FLT1: variants seen among roughly 807,000 people sequenced by gnomAD.
FLT1 encodes fms related receptor tyrosine kinase 1.
A neutral mutation model predicts 156.3 loss-of-function variants in FLT1; 49 were observed. The ratio of observed to expected loss-of-function variants is 0.31; its 90% CI spans 0.25 to 0.40. The LOEUF (loss-of-function observed/expected upper bound fraction) is 0.40. Ranked by LOEUF, FLT1 falls within the 10% of genes least tolerant of loss-of-function variation. The probability of loss-of-function intolerance (pLI) is 1.00; values close to 1 mark genes in which losing one functional copy is unlikely to be tolerated. For missense variants in FLT1, 1,322 were observed against 1,637.2 expected (o/e 0.81, Z 3.32); for synonymous variants, 594 against 583.8 (o/e 1.02, Z -0.25).
At chr13:28,445,971 A>AT (rs1047303630) in intron 3 of FLT1, among the ~76,000 whole-genome samples, 1 of 152,016 alleles carries the variant, frequency 6.6e-6, no homozygotes, top group African/African-American at 2.4e-5. Flanking sequence ...CCCAAGTGGG[A>AT]TTTTTTTCAG....
intron 14 of FLT1, among the ~76,000 whole-genome samples, chr13:28,375,902 A>C (rs1873819700): frequency 1.3e-5 from 2 of 152,250 alleles, no homozygotes. Flanking sequence ...GAGAAGGAAA[A>C]GGCAACTACA....
At chr13:28,482,600 CA>C (rs1277111152) in intron 1 of FLT1, among the ~76,000 whole-genome samples, 8 of 152,076 alleles carry the variant, frequency 5.3e-5, no homozygotes, top group African/African-American at 1.9e-4. Context: ...AACATTATCC[CA>C]AAATGGTGAA....
chr13:28,331,560 A>T (rs530110760), intron 18 of FLT1, among the ~76,000 whole-genome samples: 19 of 152,192 alleles, frequency 1.2e-4, no homozygotes, highest in Non-Finnish European at 2.2e-4. Context: ...CCTCTCAAGT[A>T]GCTGGGACTA....
chr13:28,448,657 T>C (rs949527760), intron 3 of FLT1, among the ~76,000 whole-genome samples: 2 of 152,190 alleles, frequency 1.3e-5, no homozygotes, highest in African/African-American at 4.8e-5. Context: ...CAATGACATA[T>C]TCTAAAATTG....
chr13:28,389,377 A>G, intron 13 of FLT1: 1 of 1,265,340 alleles, frequency 7.9e-7, no homozygotes, highest in East Asian at 2.9e-5. Context: ...TCAACACTTA[A>G]AAATAAAAAG....
At chr13:28,440,180 C>G (rs1191676572) in intron 3 of FLT1, among the ~76,000 whole-genome samples, 1 of 152,130 alleles carries the variant, frequency 6.6e-6, no homozygotes, top group African/African-American at 2.4e-5. Flanking sequence ...TCCACAGAAC[C>G]AGCAGTTTTT....
chr13:28,398,450 T>C (rs573172584), intron 11 of FLT1, among the ~76,000 whole-genome samples: 1 of 152,360 alleles, frequency 6.6e-6, no homozygotes, highest in East Asian at 1.9e-4. Flanking sequence ...CTAGGCACTT[T>C]AGTTGTGTTC....
intron 23 of FLT1, among the ~76,000 whole-genome samples, chr13:28,320,572 TTGTTAG>T (rs769230577): frequency 1.1e-4 from 17 of 151,950 alleles, no homozygotes; most frequent in African/African-American, 2.4e-4. Flanking sequence ...TCATCAGCTA[TTGTTAG>T]TGTTAGTGTA....
intron 14 of FLT1, among the ~76,000 whole-genome samples, chr13:28,382,394 C>T (rs1047896318): frequency 2.0e-5 from 3 of 152,144 alleles, no homozygotes; most frequent in South Asian, 4.1e-4. Flanking sequence ...TCAAGTCAGG[C>T]GACTCTGAGC....
chr13:28,345,517 A>G lies in FLT1; in HGVS notation c.2283T>C (p.Thr761=), dbSNP rs551963794. 40 of 1,612,720 alleles carry G rather than the reference A, an allele frequency of 2.5e-5. No homozygotes were observed. In the Admixed American group the frequency reaches 6.5e-4, roughly 26 times the overall value. Reference sequence around the variant, plus strand: ...TCGCAGCCACACAGGTGCATGTTAGAGTGATCAGCTCCAGATTAGACTTGT... The same window carrying G: ...TCGCAGCCACACAGGTGCATGTTAGGGTGATCAGCTCCAGATTAGACTTGT... ...TSDKSNLELI[T]LTCTCVAATL... is the part of the protein sequence containing the mutation. The change falls in exon 16 of 30, where the codon ACT becomes ACC. Residue 761 remains threonine (T), a synonymous_variant. Transcript: ENST00000282397.
At chr13:28,396,275 T>C (rs1676954907) in intron 12 of FLT1, among the ~76,000 whole-genome samples, 1 of 152,214 alleles carries the variant, frequency 6.6e-6, no homozygotes, top group Non-Finnish European at 1.5e-5. Context: ...GAAAGTTGGC[T>C]TACTGCCCAT....
chr13:28,325,244 C>T (rs768987888), intron 20 of FLT1, among the ~76,000 whole-genome samples: 3 of 152,188 alleles, frequency 2.0e-5, no homozygotes, highest in Non-Finnish European at 2.9e-5. Context: ...CTTAGCTCTT[C>T]CTGAAGCCAG....
rs566995849 is a variant in FLT1 at position 28,431,300 on chromosome 13, C to T, written c.824G>A (p.Arg275Lys). The T allele has an allele frequency of 1.5e-5, 24 of 1,612,924 alleles. No individual in the cohort carries two copies. In the East Asian group the frequency reaches 4.5e-4, roughly 30 times the overall value. The change falls in exon 7 of 30, where the codon AGA (arginine) becomes AAA (lysine). Residue 275 changes from arginine (R) to lysine (K), a missense_variant. This residue lies in a region of FLT1 where 991 missense variants were observed against 1,254.8 expected (regional missense o/e 0.79). Coordinates refer to ENST00000282397, the MANE Select transcript of FLT1 (RefSeq NM_002019.4). ...TWSYPDEKNK[R>K]ASVRRRIDQS... The stretch of plus-strand genomic sequence containing the variant: ...GTCAATTCGTCGCCTTACGGAAGCT[C>T]TCTTATTTTTCTAGAAAGAAAATGT...
intron 3 of FLT1, among the ~76,000 whole-genome samples, chr13:28,444,782 G>T (rs552821792): frequency 6.6e-6 from 1 of 152,154 alleles, no homozygotes; most frequent in Non-Finnish European, 1.5e-5. Context: ...GGTCAAAGAA[G>T]AAATTTAAAA....
At chr13:28,362,708 ATAAAGT>A (rs1458999217) in intron 14 of FLT1, among the ~76,000 whole-genome samples, 1 of 152,198 alleles carries the variant, frequency 6.6e-6, no homozygotes, top group Admixed American at 6.5e-5. Context: ...CCATGAGTAA[ATAAAGT>A]TAAAGGACTT....
intron 1 of FLT1, among the ~76,000 whole-genome samples, chr13:28,480,824 G>C (rs1880793944): frequency 6.6e-6 from 1 of 152,186 alleles, no homozygotes; most frequent in Non-Finnish European, 1.5e-5. Flanking sequence ...AAAGCCACAA[G>C]TAATCATACT....
In FLT1 at chr13:28,427,900, C is replaced by T. The variant is rs375304310; in HGVS notation, c.1128G>A (p.Ala376=). 20 of 1,613,930 alleles carry T rather than the reference C, an allele frequency of 1.2e-5. No homozygotes were observed. Among genetic ancestry groups the T allele is most frequent in the Middle Eastern group, 1.7e-4 (1 of 6,060 alleles). ...TCAAATAGCGAGCAGATTTCTCAGT[C>T]GCAGGTAACCCATCTTTTAACCTGT... is the stretch of plus-strand genomic sequence containing the variant. ...EVVWLKDGLP[A]TEKSARYLTR... The change falls in exon 9 of 30, where the codon GCG becomes GCA. Residue 376 remains alanine (A), a synonymous_variant. Coordinates refer to ENST00000282397, the MANE Select transcript of FLT1 (RefSeq NM_002019.4).
intron 3 of FLT1, among the ~76,000 whole-genome samples, chr13:28,448,397 A>G (rs1050409417): frequency 1.1e-4 from 16 of 152,350 alleles, no homozygotes; most frequent in African/African-American, 3.8e-4. Flanking sequence ...AAAATGTGAT[A>G]TGTCCATACA....
intron 13 of FLT1, chr13:28,389,101 G>A (rs1379548753): frequency 9.4e-7 from 1 of 1,064,646 alleles, no homozygotes; most frequent in Non-Finnish European, 1.1e-6. Flanking sequence ...TTGCACCCCT[G>A]GGGCCCATTT....
Sources: gnomAD v4.1 joint callset for allele counts (sites outside exome capture counted in the v4.1 genomes callset) on GRCh38, gnomAD v4.1.1 for gene constraint, gnomAD v4.1.1 regional missense constraint, MANE v1.5 for transcripts, NCBI Gene and HGNC (gene_info 2026-07-23, HGNC 2026-07-21) for gene names.